CYLD: variants seen among roughly 807,000 people sequenced by gnomAD.
The protein encoded by CYLD is CYLD lysine 63 deubiquitinase.
Under a neutral mutation model 104.5 loss-of-function variants are expected in CYLD, and 26 were observed. The ratio of observed to expected loss-of-function variants is 0.25; its 90% confidence interval spans 0.18 to 0.35. The LOEUF is 0.35. Ranked by LOEUF, CYLD falls within the 10% of genes least tolerant of loss-of-function variation. The pLI is 1.00. For missense variants in CYLD, 703 were observed against 1,136.1 expected, an observed-to-expected ratio of 0.62 and a Z score of 5.48; for synonymous variants, 385 against 399.9, an observed-to-expected ratio of 0.96 and a Z score of 0.45.
Position 50,801,013 on chromosome 16 carries a change from A to G in CYLD, c.*4505A>G. Reference sequence around the variant, plus strand: ...ACCAGGATTCTGCGGGTGTCAGGGGATTGCCCCTCTTGACAGAGACTAGGG... The same window carrying G: ...ACCAGGATTCTGCGGGTGTCAGGGGGTTGCCCCTCTTGACAGAGACTAGGG... On this transcript the variant is annotated 3_prime_UTR_variant, in exon 19 of 19. Coordinates refer to ENST00000427738, the MANE Select transcript of CYLD (RefSeq NM_001378743.1). 1 of 233,500 alleles carries G rather than the reference A, an allele frequency of 4.3e-6. No individual in the cohort carries two copies. The highest frequency in any genetic ancestry group is 6.0e-5 in the East Asian group (1 of 16,736). 14.5% of individuals were successfully genotyped at this position (233,500 alleles called of 1,614,324 possible).
At chr16:50,756,637 G>A (rs943555541) in intron 5 of CYLD, among the ~76,000 whole-genome samples, 1 of 152,194 alleles carries the variant, frequency 6.6e-6, no homozygotes, top group African/African-American at 2.4e-5. Flanking sequence ...AAAGCCAACA[G>A]TGGCAGTCAG....
chr16:50,790,443 C>A (rs1971315682), intron 14 of CYLD, among the ~76,000 whole-genome samples: 1 of 152,054 alleles, frequency 6.6e-6, no homozygotes, highest in South Asian at 2.1e-4. Flanking sequence ...TCTTATTTTC[C>A]TCTCTTATTT....
At chr16:50,775,710 T>A (rs1969605314) in intron 6 of CYLD, among the ~76,000 whole-genome samples, 1 of 152,228 alleles carries the variant, frequency 6.6e-6, no homozygotes, top group Non-Finnish European at 1.5e-5. Flanking sequence ...CACATTAGCA[T>A]ATTAAAGGCT....
Position 50,791,710 on chromosome 16 carries a change from G to A in CYLD, c.2241+20G>A, listed in dbSNP as rs778142984. 3.1e-6 allele frequency: 5 copies of A among 1,613,014 alleles called. No individual in the cohort carries two copies. The highest frequency in any genetic ancestry group is 3.4e-6 in the Non-Finnish European group (4 of 1,179,264). ...GCAGAGGTTAGTGATACTCACCTGT[G>A]GTATTTTATGTGAAAGTCTGTGGGA... is the stretch of plus-strand genomic sequence containing the variant. On this transcript the variant is annotated intron_variant, in intron 15 of 18. Coordinates refer to ENST00000427738, the MANE Select transcript of CYLD (RefSeq NM_001378743.1).
chr16:50,755,570 C>G (rs1220791496), intron 5 of CYLD, among the ~76,000 whole-genome samples: 2 of 152,100 alleles, frequency 1.3e-5, no homozygotes, highest in Admixed American at 6.5e-5. Context: ...TATGGCCATT[C>G]TTGCAAGAGT....
Position 50,798,738 on chromosome 16 carries a change from G to C in CYLD, c.*2230G>C, listed in dbSNP as rs1474856540. 1 of 233,296 alleles carries C rather than the reference G, an allele frequency of 4.3e-6. No homozygotes were observed. The highest frequency in any genetic ancestry group is 8.5e-6 in the Non-Finnish European group (1 of 118,036). The allele number at this position is 233,296 out of a possible 1,614,324, so 14.5% of individuals were successfully genotyped here. On this transcript the variant is annotated 3_prime_UTR_variant, in exon 19 of 19. Coordinates refer to ENST00000427738, the MANE Select transcript of CYLD (RefSeq NM_001378743.1). ...AGAGAACTTGAAGAAGACCTGTTTG[G>C]ATGGACACCTGGTTTCAAAAGTCAG...
chr16:50,784,455 A>G lies in CYLD; in HGVS notation c.1949+4A>G. ...AAATTGTTAATCCTCTGAGAATGTAAGTAGAAAACAAATTGCTATTTTGCC... is the reference window on the plus strand; with the variant it reads ...AAATTGTTAATCCTCTGAGAATGTAGGTAGAAAACAAATTGCTATTTTGCC... On this transcript the variant is annotated splice_donor_region_variant and intron_variant, in intron 12 of 18. Transcript: ENST00000427738. The G allele has an allele frequency of 6.2e-7, 1 of 1,612,210 alleles. No homozygotes were observed. Among genetic ancestry groups the G allele is most frequent in the Middle Eastern group, 1.7e-4 (1 of 6,046 alleles).
chr16:50,779,030 T>G (rs1249530668), intron 8 of CYLD, among the ~76,000 whole-genome samples: 2 of 152,214 alleles, frequency 1.3e-5, no homozygotes, highest in East Asian at 3.8e-4. Context: ...TGTGTTTGTG[T>G]TTATTCTGGC....
chr16:50,768,636 A>C (rs1046740755), intron 5 of CYLD, among the ~76,000 whole-genome samples: 10 of 152,210 alleles, frequency 6.6e-5, no homozygotes, highest in African/African-American at 2.4e-5. Context: ...AAACACTGCT[A>C]ACATATCTAA....
intron 12 of CYLD, chr16:50,785,207 A>G (rs866457087): frequency 1.9e-4 from 29 of 152,190 alleles, no homozygotes; most frequent in African/African-American, 7.0e-4. Context: ...AGGAATATAG[A>G]GAGAAAGTGA....
rs544774163 is a variant in CYLD, at chr16:50,783,155, C to G, written c.1826+689C>G. On this transcript the variant is annotated intron_variant, in intron 11 of 18. Coordinates refer to ENST00000427738, the MANE Select transcript of CYLD (RefSeq NM_001378743.1). ...CCACGTTGGCCAGGCTGGTCTCGAA[C>G]GTCTCACCTCAAATGATCTACCCGC... is the stretch of plus-strand genomic sequence containing the variant. Among the ~76,000 whole-genome samples the G allele has an allele frequency of 1.3e-3, 198 of 152,194 alleles. 3 individuals carry two copies. Among genetic ancestry groups the G allele is most frequent in the African/African-American group, 4.6e-3 (190 of 41,534 alleles).
intron 11 of CYLD, 92 bp from the exon 12 acceptor site, chr16:50,784,237 T>C: frequency 1.5e-6 from 2 of 1,374,164 alleles, no homozygotes; most frequent in South Asian, 2.3e-5. Context: ...TTCTCCAGAC[T>C]TTACTTATTT....
chr16:50,767,945 T>C (rs895456862), intron 5 of CYLD, among the ~76,000 whole-genome samples: 36 of 152,322 alleles, frequency 2.4e-4, no homozygotes, highest in African/African-American at 8.7e-4. Flanking sequence ...GTAGTATTTA[T>C]CTTAAAAACA....
intron 2 of CYLD, among the ~76,000 whole-genome samples, chr16:50,748,699 ATAT>A (rs1966396144): frequency 2.0e-5 from 3 of 152,178 alleles, no homozygotes; most frequent in Admixed American, 6.5e-5. Context: ...TAATATAGTC[ATAT>A]TATAATATCT....
In CYLD at chr16:50,794,198, A is replaced by G. The variant is rs1383815777; in HGVS notation, c.2470-14A>G. ...GCCTCGGCCTAATGACATTCTTTTC[A>G]TGGTCCATTTTAGGTCCACCTTCAT... On this transcript the variant is annotated splice_polypyrimidine_tract_variant and intron_variant, in intron 17 of 18. Coordinates refer to ENST00000427738, the MANE Select transcript of CYLD (RefSeq NM_001378743.1). The surrounding 1 kb of genome is among the most constrained non-coding windows in gnomAD (Gnocchi z 4.1). The G allele has an allele frequency of 3.1e-6, 5 of 1,611,244 alleles. No homozygotes were observed. Among genetic ancestry groups the G allele is most frequent in the South Asian group, 1.1e-5 (1 of 91,010 alleles).
At chr16:50,752,350 T>C (rs1434520299) in intron 4 of CYLD, among the ~76,000 whole-genome samples, 1 of 152,146 alleles carries the variant, frequency 6.6e-6, no homozygotes, top group Non-Finnish European at 1.5e-5. Context: ...ACTCCATTTT[T>C]TTGTGATATT....
At chr16:50,790,743 T>C (rs1299628272) in intron 14 of CYLD, among the ~76,000 whole-genome samples, 1 of 152,140 alleles carries the variant, frequency 6.6e-6, no homozygotes, top group Non-Finnish European at 1.5e-5. Flanking sequence ...TATGTTAATA[T>C]TTTCTCCTAA....
At chr16:50,755,980 T>C (rs1007633645) in intron 5 of CYLD, among the ~76,000 whole-genome samples, 1 of 152,232 alleles carries the variant, frequency 6.6e-6, no homozygotes, top group Non-Finnish European at 1.5e-5. Context: ...CTCTAGAATC[T>C]TTATGGTTTC....
Position 50,751,654 on chromosome 16 carries a change from G to A in CYLD, c.555G>A (p.Gln185=), listed in dbSNP as rs751525184. 6.2e-7 allele frequency: 1 copy of A among 1,613,834 alleles called. No homozygotes were observed. The highest frequency in any genetic ancestry group is 1.1e-5 in the South Asian group (1 of 91,068). The change falls in exon 4 of 19, where the codon CAG becomes CAA. Residue 185 remains glutamine (Q), a synonymous_variant. Coordinates refer to ENST00000427738, the MANE Select transcript of CYLD (RefSeq NM_001378743.1). ...CTGACGGGGTGTACCAAGGGAAACA[G>A]CTTTTTCAGTGTGATGAAGATTGTG... ...GFTDGVYQGK[Q]LFQCDEDCGV... is the part of the protein sequence containing the mutation.
Sources: allele counts gnomAD v4.1 joint callset (sites outside exome capture counted in the v4.1 genomes callset), GRCh38; gene constraint gnomAD v4.1.1; non-coding constraint Gnocchi (gnomAD v3.1); transcripts MANE v1.5; gene names NCBI Gene and HGNC (gene_info 2026-07-23, HGNC 2026-07-21).